LIN28B: variants seen among roughly 807,000 people sequenced by gnomAD.
LIN28B encodes protein lin-28 homolog B.
LIN28B carries 5 observed loss-of-function variants against 21.9 expected under a neutral mutation model. The observed-to-expected ratio is 0.23, with a 90% CI of 0.12 to 0.48. The LOEUF (loss-of-function observed/expected upper bound fraction) is 0.48. Ranked by LOEUF, LIN28B falls within the 20% of genes least tolerant of loss-of-function variation. The pLI, the probability that LIN28B is intolerant of heterozygous loss-of-function variation, is 0.98. For missense variants in LIN28B, 245 were observed against 310.5 expected (o/e 0.79, Z 1.58); for synonymous variants, 109 against 111.3 (o/e 0.98, Z 0.13).
At chr6:104,967,060 G>A (rs1769877482) in intron 2 of LIN28B, among the ~76,000 whole-genome samples, 1 of 152,030 alleles carries the variant, frequency 6.6e-6, no homozygotes, top group East Asian at 1.9e-4. Flanking sequence ...GAATCACCAT[G>A]CCTGGCCTCA....
chr6:104,984,215 G>A (rs1770285421), intron 2 of LIN28B, among the ~76,000 whole-genome samples: 2 of 152,176 alleles, frequency 1.3e-5, no homozygotes, highest in Admixed American at 6.5e-5. Context: ...TAAAAAAATA[G>A]GTGATTTGGT....
At chr6:104,952,730 T>C (rs314281), upstream of LIN28B, among the ~76,000 whole-genome samples, 74,962 of 152,006 alleles carry the variant, frequency 0.49, 19,582 homozygotes, top group East Asian at 0.69. Context: ...GCAATTTGTG[T>C]GGAAAACTTA....
At position 104,986,155 on chromosome 6, in the gene LIN28B, G is replaced by A. The variant is rs527929188; in HGVS notation, c.198+27869G>A. ...CACTTCCCCCTTTGCTCTCTTCCTC[G>A]TGCTCTAGCCATGTAAGATGTGCCT... On this transcript the variant is annotated intron_variant, in intron 2 of 3. Coordinates refer to ENST00000345080, the MANE Select transcript of LIN28B (RefSeq NM_001004317.4). 3.4e-4 allele frequency among the ~76,000 whole-genome samples: 51 copies of A among 152,058 alleles called. 1 individual carries two copies. The highest frequency in any genetic ancestry group is 1.2e-3 in the African/African-American group (48 of 41,504).
At chr6:104,998,102 A>T (rs1349792213) in intron 2 of LIN28B, among the ~76,000 whole-genome samples, 1 of 152,292 alleles carries the variant, frequency 6.6e-6, no homozygotes, top group East Asian at 1.9e-4. Context: ...AAAATGTGTA[A>T]TACTGATCAA....
chr6:104,992,482 T>TG (rs1770507606), intron 2 of LIN28B, among the ~76,000 whole-genome samples: 2 of 126,440 alleles, frequency 1.6e-5, no homozygotes, highest in African/African-American at 3.1e-5. Context: ...ATTAAGTTTC[T>TG]GTTGTGTGTG....
intron 3 of LIN28B, among the ~76,000 whole-genome samples, chr6:105,069,000 T>C (rs1487274469): frequency 6.6e-6 from 1 of 152,130 alleles, no homozygotes; most frequent in Non-Finnish European, 1.5e-5. Flanking sequence ...GCAGATCACT[T>C]GAGGCCAGGA....
intron 2 of LIN28B, among the ~76,000 whole-genome samples, chr6:104,967,576 C>CAAAAAAAAA (rs71003462): frequency 6.6e-5 from 4 of 60,728 alleles, no homozygotes; most frequent in Non-Finnish European, 1.2e-4. Context: ...AACTCCCTCT[C>CAAAAAAAAA]AAAAAAAAAA....
At position 105,026,357 on chromosome 6, in the gene LIN28B, A is replaced by G. The variant is rs199972509; in HGVS notation, c.258A>G (p.Thr86=). 1.4e-5 allele frequency: 23 copies of G among 1,612,198 alleles called. No individual in the cohort carries two copies. The highest frequency in any genetic ancestry group is 1.7e-5 in the Non-Finnish European group (20 of 1,178,966). ...SLKEGEPVEF[T]FKKSSKGLES... is the part of the protein sequence containing the mutation. The stretch of plus-strand genomic sequence containing the variant: ...AAGAAGGAGAACCAGTGGAATTCAC[A>G]TTTAAAAAATCTTCCAAAGGCCTTG... The change falls in exon 3 of 4, where the codon ACA becomes ACG. Residue 86 remains threonine, a synonymous_variant. Transcript: ENST00000345080.
intron 3 of LIN28B, among the ~76,000 whole-genome samples, chr6:105,068,537 AC>A (rs1458783729): frequency 6.6e-6 from 1 of 152,194 alleles, no homozygotes; most frequent in East Asian, 1.9e-4. Flanking sequence ...GTTTGAATTT[AC>A]TTTGGTTCCA....
At chr6:105,020,704 C>CAACCCCT (rs1383001488) in intron 2 of LIN28B, among the ~76,000 whole-genome samples, 1 of 151,812 alleles carries the variant, frequency 6.6e-6, no homozygotes, top group Non-Finnish European at 1.5e-5. Context: ...ACCTCCCTCC[C>CAACCCCT]AACCCCTCAC....
In LIN28B at chr6:105,062,061, C is replaced by T. The variant is rs146440019; in HGVS notation, c.384-16353C>T. Among the ~76,000 whole-genome samples, 846 of 152,164 alleles carry T rather than the reference C, an allele frequency of 5.6e-3. 16 individuals carry two copies. The highest frequency in any genetic ancestry group is 0.047 in the Admixed American group (725 of 15,284). On this transcript the variant is annotated intron_variant, in intron 3 of 3. Coordinates refer to ENST00000345080, the MANE Select transcript of LIN28B (RefSeq NM_001004317.4). Reference sequence around the variant, plus strand: ...TTGCCTGGCATATTTTCTTTCCCATCTCTGCATCTATTTAAACCTTACTCA... The same window carrying T: ...TTGCCTGGCATATTTTCTTTCCCATTTCTGCATCTATTTAAACCTTACTCA...
chr6:105,030,453 A>G (rs1254715894), intron 3 of LIN28B, among the ~76,000 whole-genome samples: 2 of 152,218 alleles, frequency 1.3e-5, no homozygotes, highest in Admixed American at 6.5e-5. Flanking sequence ...TATGTTTATT[A>G]GTACAATTAT....
At position 105,059,219 on chromosome 6, in the gene LIN28B, ATT is replaced by A. The variant is rs36072589; in HGVS notation, c.384-19185_384-19184del. ...TGTGTGTGTGTGTATATATATATGT[ATT>A]TTTTTTTTTAAACTAGGGAGAAGTA... On this transcript the variant is annotated intron_variant, in intron 3 of 3. Coordinates refer to ENST00000345080, the MANE Select transcript of LIN28B (RefSeq NM_001004317.4). Among the ~76,000 whole-genome samples the A allele has an allele frequency of 7.1e-4, 107 of 150,248 alleles. No individual in the cohort carries two copies. The East Asian group carries it at 9.8e-3, about 14-fold the overall frequency.
chr6:105,022,508 C>T (rs1771160708), intron 2 of LIN28B, among the ~76,000 whole-genome samples: 1 of 151,970 alleles, frequency 6.6e-6, no homozygotes. Context: ...GTAGGGAAAC[C>T]CAGCAAGGTC....
intron 2 of LIN28B, among the ~76,000 whole-genome samples, chr6:105,015,585 C>A (rs147240881): frequency 6.6e-6 from 1 of 152,142 alleles, no homozygotes; most frequent in African/African-American, 2.4e-5. Flanking sequence ...CTGTTTATCT[C>A]ATTTCTTTGG....
chr6:104,962,291 G>T (rs1269176044), intron 2 of LIN28B, among the ~76,000 whole-genome samples: 1 of 151,848 alleles, frequency 6.6e-6, no homozygotes, highest in Admixed American at 6.6e-5. Context: ...ATTTCAAAAT[G>T]ACTGCAATTT....
upstream of LIN28B, among the ~76,000 whole-genome samples, chr6:104,955,249 A>G (rs1778270878): frequency 6.6e-6 from 1 of 152,188 alleles, no homozygotes; most frequent in African/African-American, 2.4e-5. Flanking sequence ...ATGTTTTGTT[A>G]GTAAATAATT....
intron 2 of LIN28B, among the ~76,000 whole-genome samples, chr6:105,003,992 A>G (rs187407953): frequency 5.9e-5 from 9 of 152,332 alleles, no homozygotes; most frequent in Admixed American, 2.6e-4. Flanking sequence ...AGGTCCCACA[A>G]TAGGCTGTCT....
chr6:105,010,177 G>A (rs934589753), intron 2 of LIN28B, among the ~76,000 whole-genome samples: 3 of 151,062 alleles, frequency 2.0e-5, no homozygotes, highest in Non-Finnish European at 4.4e-5. Context: ...GCAACATGAC[G>A]AAACCCCGTG....
Sources: allele counts gnomAD v4.1 joint callset (sites outside exome capture counted in the v4.1 genomes callset), GRCh38; gene constraint gnomAD v4.1.1; transcripts MANE v1.5; gene names NCBI Gene and HGNC (gene_info 2026-07-23, HGNC 2026-07-21).